Variants in HTR3D observed in about 807,000 individuals in gnomAD.
HTR3D encodes the protein 5-hydroxytryptamine receptor 3D, also known as 5-hydroxytryptamine (serotonin) receptor 3 family member D.
A neutral mutation model predicts 45.8 loss-of-function variants in HTR3D; 47 were observed. The observed-to-expected ratio is 1.03, with a 90% CI of 0.81 to 1.31. The LOEUF (loss-of-function observed/expected upper bound fraction) is 1.31, where lower values mean the gene tolerates loss of function less well. Among genes scored for constraint, HTR3D ranks in the 50% most tolerant of loss-of-function variants. The probability of loss-of-function intolerance (pLI) is 0.00; values close to 1 mark genes in which losing one functional copy is unlikely to be tolerated. For missense variants in HTR3D, 448 were observed against 506.9 expected (o/e 0.88, Z 1.12); for synonymous variants, 203 against 199.8 (o/e 1.02, Z -0.13).
At chr3:184,032,743 C>T in intron 1 of HTR3D, 2 of 954,366 alleles carry the variant, frequency 2.1e-6, no homozygotes, top group South Asian at 3.2e-5. Context: ...CATCAGTTTC[C>T]ACCATTTGCC....
chr3:184,038,871 C>A lies in HTR3D; in HGVS notation c.1111C>A (p.Leu371Met). 6.8e-6 allele frequency: 11 copies of A among 1,614,196 alleles called. No homozygotes were observed. The highest frequency in any genetic ancestry group is 9.3e-6 in the Non-Finnish European group (11 of 1,180,034). ...HEAQKQHSVE[L>M]WVQFSHAMDA... The stretch of plus-strand genomic sequence containing the variant: ...GGCCCAGAAGCAGCACTCGGTGGAG[C>A]TGTGGGTGCAGTTCAGCCACGCGAT... The change falls in exon 8 of 8, where the codon CTG becomes ATG. Residue 371 changes from leucine (L) to methionine (M), a missense_variant. Leu to Met is a conservative substitution (Grantham distance 15). Coordinates refer to ENST00000428798, the MANE Select transcript of HTR3D (RefSeq NM_001145143.1). This position sits in a 1 kb window ranked among gnomAD's most constrained non-coding sequence, Gnocchi z 4.5.
chr3:184,033,804 C>A (rs747963825), intron 1 of HTR3D, among the ~76,000 whole-genome samples: 18 of 152,234 alleles, frequency 1.2e-4, no homozygotes, highest in Non-Finnish European at 2.4e-4. Context: ...GTAATCCCAG[C>A]TAGTCGGGAG....
chr3:184,037,878 A>G, intron 5 of HTR3D, 143 bp from the exon 6 acceptor site: 2 of 1,012,462 alleles, frequency 2.0e-6, no homozygotes, highest in Non-Finnish European at 2.8e-6. Flanking sequence ...CTTTGGATGA[A>G]AAGACCGGAT....
At chr3:184,037,045 T>TG in intron 5 of HTR3D, 149 bp downstream of exon 5, 1 of 720,710 alleles carries the variant, frequency 1.4e-6, no homozygotes. Flanking sequence ...CTCTTTTTTT[T>TG]TTTTTAAATT....
At chr3:184,035,653 C>A (rs964555445) in intron 2 of HTR3D, among the ~76,000 whole-genome samples, 2 of 151,708 alleles carry the variant, frequency 1.3e-5, no homozygotes, top group African/African-American at 4.8e-5. Flanking sequence ...CTGTTTCTCT[C>A]ATGCCATGGT....
At chr3:184,037,003 C>T (rs923105963) in intron 5 of HTR3D, 107 bp downstream of exon 5, 23 of 1,040,754 alleles carry the variant, frequency 2.2e-5, no homozygotes, top group East Asian at 7.9e-5. Context: ...GCTGGGATTA[C>T]GGGCGTGAAC....
In HTR3D at chr3:184,038,750, G is replaced by A; in HGVS notation, c.990G>A (p.Val330=). 1 of 1,593,810 alleles carries A rather than the reference G, an allele frequency of 6.3e-7. No individual in the cohort carries two copies. Among genetic ancestry groups the A allele is most frequent in the Non-Finnish European group, 8.6e-7 (1 of 1,168,920 alleles). ...PGLTPTHLPG[V]KEPEVSAGQM... ...TGAGTCTCTGTCTTTCTGTAGGTGTGAAGGAGCCAGAGGTATCAGCAGGGC... is the reference window on the plus strand; with the variant it reads ...TGAGTCTCTGTCTTTCTGTAGGTGTAAAGGAGCCAGAGGTATCAGCAGGGC... Residue 330 remains valine, a synonymous_variant, in exon 8 of 8, where the codon GTG becomes GTA. Transcript: ENST00000428798. The surrounding 1 kb of genome is among the most constrained non-coding windows in gnomAD (Gnocchi z 4.5).
intron 3 of HTR3D, 88 bp from the exon 4 acceptor site, chr3:184,036,287 A>G (rs1166471589): frequency 6.5e-7 from 1 of 1,543,390 alleles, no homozygotes; most frequent in Admixed American, 1.9e-5. Flanking sequence ...GAGCTCGAGA[A>G]TGGGATGACC....
intron 1 of HTR3D, among the ~76,000 whole-genome samples, chr3:184,032,664 A>G (rs1323447507): frequency 6.6e-6 from 1 of 152,122 alleles, no homozygotes; most frequent in Non-Finnish European, 1.5e-5. Flanking sequence ...GTTTGCATAC[A>G]CATCTGGACA....
chr3:184,031,727 GC>G, upstream of HTR3D: 1 of 1,547,116 alleles, frequency 6.5e-7, no homozygotes, highest in Non-Finnish European at 8.7e-7. Context: ...CCAGAGAAGT[GC>G]CAAAGAGAGG....
rs936707803 is a variant in HTR3D at position 184,039,071 on chromosome 3, C to T, written c.*96C>T. ...TCAGTCAGCCTTGTGGCCCTGTCAA[C>T]CGCCTCATTTTTAACCCAGTCCTCT... is the stretch of plus-strand genomic sequence containing the variant. On this transcript the variant is annotated 3_prime_UTR_variant, in exon 8 of 8. Coordinates refer to ENST00000428798, the MANE Select transcript of HTR3D (RefSeq NM_001145143.1). The T allele has an allele frequency of 1.6e-4, 154 of 967,934 alleles. 2 individuals carry two copies. The highest frequency in any genetic ancestry group is 2.2e-4 in the Non-Finnish European group (148 of 685,510). The allele number at this position is 967,934 out of a possible 1,614,324, so 60.0% of individuals were successfully genotyped here.
At chr3:184,037,699 A>G (rs1722947196) in intron 5 of HTR3D, among the ~76,000 whole-genome samples, 1 of 152,208 alleles carries the variant, frequency 6.6e-6, no homozygotes, top group Admixed American at 6.6e-5. Context: ...GCAATTAGAA[A>G]TGAAAAGATA....
At chr3:184,032,948 G>T (rs1266156049) in intron 1 of HTR3D, 1 of 1,552,460 alleles carries the variant, frequency 6.4e-7, no homozygotes, top group Non-Finnish European at 8.7e-7. Context: ...GCACAGGGTG[G>T]ACCCTGCAGC....
At position 184,038,379 on chromosome 3, in the gene HTR3D, T is replaced by C. The variant is rs780610808; in HGVS notation, c.770-30T>C. On this transcript the variant is annotated intron_variant, in intron 6 of 7. Coordinates refer to ENST00000428798, the MANE Select transcript of HTR3D (RefSeq NM_001145143.1). This position sits in a 1 kb window ranked among gnomAD's most constrained non-coding sequence, Gnocchi z 4.5. ...AACAAGAAATTCTAGGTGGCGCCTC[T>C]GGCCCTCATGCAGACCCCCTTGCCT... 128 of 1,614,022 alleles carry C rather than the reference T, an allele frequency of 7.9e-5. No homozygotes were observed. The highest frequency in any genetic ancestry group is 1.1e-4 in the Non-Finnish European group (127 of 1,180,006).
upstream of HTR3D, chr3:184,031,586 T>G: frequency 1.7e-6 from 1 of 604,250 alleles, no homozygotes; most frequent in South Asian, 2.0e-5. Context: ...GTTATTCCTC[T>G]GTGACATTCT....
chr3:184,031,886 C>A, intron 1 of HTR3D, 79 bp downstream of exon 1: 3 of 979,618 alleles, frequency 3.1e-6, no homozygotes, highest in South Asian at 1.4e-5. Context: ...ATTTTTTATT[C>A]TGAGATAGTC....
intron 4 of HTR3D, 41 bp from the exon 5 acceptor site, chr3:184,036,707 G>A: frequency 3.2e-6 from 5 of 1,553,674 alleles, no homozygotes; most frequent in Non-Finnish European, 2.6e-6. Context: ...CATTTGGGGA[G>A]GCTGAGTCTT....
intron 2 of HTR3D, 47 bp from the exon 3 acceptor site, chr3:184,035,968 C>T: frequency 6.5e-7 from 1 of 1,542,830 alleles, no homozygotes; most frequent in Non-Finnish European, 8.8e-7. Flanking sequence ...GCTGGGATTA[C>T]AGACAGAAGC....
rs764296828 is a variant in HTR3D, at chr3:184,033,106, A to T, written c.66+1299A>T. 16 of 1,286,486 alleles carry T rather than the reference A, an allele frequency of 1.2e-5. No individual in the cohort carries two copies. The South Asian group carries it at 2.2e-4, about 17-fold the overall frequency. 79.7% of individuals were successfully genotyped at this position (1,286,486 alleles called of 1,614,324 possible). A position where few individuals can be genotyped will look rare whatever the true frequency, so the allele number is the denominator to read the frequency against. On this transcript the variant is annotated intron_variant, in intron 1 of 7. Coordinates refer to ENST00000428798, the MANE Select transcript of HTR3D (RefSeq NM_001145143.1). The stretch of plus-strand genomic sequence containing the variant: ...GCAGTGGTCTAGTGGTGAGCAGTGG[A>T]CCCTCTGACTGGATTTTTTTTTTTT...
Sources: gnomAD v4.1 joint callset for allele counts (sites outside exome capture counted in the v4.1 genomes callset) on GRCh38, gnomAD v4.1.1 for gene constraint, Gnocchi (gnomAD v3.1) non-coding constraint, MANE v1.5 for transcripts, NCBI Gene and HGNC (gene_info 2026-07-23, HGNC 2026-07-21) for gene names.